The following TPR variants were observed in gnomAD, a reference collection of about 807,000 sequenced individuals.
TPR encodes the protein nucleoprotein TPR.
In TPR, 51 loss-of-function variants were observed where a neutral mutation model predicts 316.1. That is an observed-to-expected ratio of 0.16 (90% CI 0.13 to 0.20). The LOEUF is 0.20. TPR is among the 10% of genes least tolerant of loss of function. The probability of loss-of-function intolerance (pLI) is 1.00; values close to 1 mark genes in which losing one functional copy is unlikely to be tolerated. For missense variants in TPR, 2,272 were observed against 2,754.8 expected, an observed-to-expected ratio of 0.82 and a Z score of 3.92; for synonymous variants, 981 against 914.7, an observed-to-expected ratio of 1.07 and a Z score of -1.31.
At chr1:186,370,941 A>G (rs1429601573) in intron 3 of TPR, 29 bp downstream of exon 3, 3 of 1,574,250 alleles carry the variant, frequency 1.9e-6, no homozygotes, top group East Asian at 2.2e-5. Flanking sequence ...AATGTCTACA[A>G]TGAGCTTATT....
In TPR at chr1:186,344,556, T is replaced by C; in HGVS notation, c.3236A>G (p.Gln1079Arg). 6.3e-7 allele frequency: 1 copy of C among 1,577,180 alleles called. No individual in the cohort carries two copies. The highest frequency in any genetic ancestry group is 8.6e-7 in the Non-Finnish European group (1 of 1,162,950). Residue 1079 changes from glutamine (Q) to arginine (R), a missense_variant, in exon 25 of 51, where the codon CAG (glutamine) becomes CGG (arginine). Around this residue, in one of 10 missense-constraint regions of TPR, gnomAD observed 757 missense variants for 859.8 expected, o/e 0.88. Transcript: ENST00000367478. ...CATCAATTCTCTCTCATACTTATTC[T>C]GAGCTTCCACAGCTATTTTAGCCTA... ...QEQAKIAVEA[Q>R]NKYERELMLH...
At position 186,344,465 on chromosome 1, in the gene TPR, G is replaced by C. The variant is rs921274185; in HGVS notation, c.3327C>G (p.Val1109=). ...GTGTTGTTTCTTCCAAATGCTGACGGACTGATGCCATTTTTGAAACCTGCT... is the reference window on the plus strand; with the variant it reads ...GTGTTGTTTCTTCCAAATGCTGACGCACTGATGCCATTTTTGAAACCTGCT... ...AKEQVSKMAS[V]RQHLEETTQK... The change falls in exon 25 of 51, where the codon GTC becomes GTG. Residue 1109 remains valine, a synonymous_variant. Coordinates refer to ENST00000367478, the MANE Select transcript of TPR (RefSeq NM_003292.3). 1 of 1,613,966 alleles carries C rather than the reference G, an allele frequency of 6.2e-7. No homozygotes were observed. Among genetic ancestry groups the C allele is most frequent in the African/African-American group, 1.3e-5 (1 of 75,040 alleles).
Position 186,333,141 on chromosome 1 carries a change from G to A in TPR, c.5436C>T (p.Ser1812=). 1 of 1,613,378 alleles carries A rather than the reference G, an allele frequency of 6.2e-7. No individual in the cohort carries two copies. The highest frequency in any genetic ancestry group is 8.5e-7 in the Non-Finnish European group (1 of 1,179,562). Residue 1812 remains serine, a synonymous_variant, in exon 37 of 51, where the codon TCC becomes TCT. Coordinates refer to ENST00000367478, the MANE Select transcript of TPR (RefSeq NM_003292.3). ...QSSPVERPST[S]TAVFGTVSAT... ...TTTTACCTGTGCCAAATACTGCTGT[G>A]GAAGTAGAAGGCCGCTCAACTGGTG...
At chr1:186,355,841 C>A in intron 15 of TPR, 73 bp from the exon 16 acceptor site, 1 of 1,514,680 alleles carries the variant, frequency 6.6e-7, no homozygotes. Flanking sequence ...TGCTTCTTTG[C>A]AAATACACTA....
In TPR at chr1:186,341,236, T is replaced by C. The variant is rs370546673; in HGVS notation, c.3888+16A>G. On this transcript the variant is annotated intron_variant, in intron 28 of 50. Coordinates refer to ENST00000367478, the MANE Select transcript of TPR (RefSeq NM_003292.3). ...AAAAACAACATGCTTCCACTCTTGA[T>C]AACTAAGCAACAAACCTTTGCTTGC... is the stretch of plus-strand genomic sequence containing the variant. 102 of 1,613,398 alleles carry C rather than the reference T, an allele frequency of 6.3e-5. No individual in the cohort carries two copies. The highest frequency in any genetic ancestry group is 8.4e-5 in the Non-Finnish European group (99 of 1,179,900).
At chr1:186,362,264 A>G (rs1342179060) in intron 7 of TPR, 24 bp downstream of exon 7, 9 of 1,572,620 alleles carry the variant, frequency 5.7e-6, no homozygotes, top group African/African-American at 1.4e-5. Context: ...TTTGTAAAAA[A>G]GACATTTTAA....
chr1:186,336,683 T>C lies in TPR; in HGVS notation c.4518A>G (p.Glu1506=). 1 of 1,613,150 alleles carries C rather than the reference T, an allele frequency of 6.2e-7. No individual in the cohort carries two copies. The highest frequency in any genetic ancestry group is 8.5e-7 in the Non-Finnish European group (1 of 1,179,662). The change falls in exon 33 of 51, where the codon GAA becomes GAG. Residue 1506 remains glutamate (E), a synonymous_variant. Transcript: ENST00000367478. Reference sequence around the variant, plus strand: ...GGAGATTTCTTGCTTCTGTCTCTTTTTCAGATAATGTCTTTAAAGGAAAAC... The same window carrying C: ...GGAGATTTCTTGCTTCTGTCTCTTTCTCAGATAATGTCTTTAAAGGAAAAC... ...QVENLQKTLS[E]KETEARNLQE...
chr1:186,361,471 GA>G, intron 9 of TPR, 150 bp downstream of exon 9: 1 of 642,860 alleles, frequency 1.6e-6, no homozygotes, highest in Non-Finnish European at 2.5e-6. Flanking sequence ...ATATAATTCT[GA>G]ATTTCCTAAT....
intron 22 of TPR, among the ~76,000 whole-genome samples, chr1:186,346,741 G>GA (rs1340170228): frequency 2.6e-5 from 4 of 151,538 alleles, no homozygotes; most frequent in African/African-American, 4.8e-5. Context: ...CCAGAAAAAA[G>GA]AAAAAAAATC....
chr1:186,347,559 A>G (rs1006439952), intron 21 of TPR, 101 bp from the exon 22 acceptor site: 7 of 1,223,390 alleles, frequency 5.7e-6, no homozygotes, highest in Non-Finnish European at 7.8e-6. Context: ...TCAAATACAG[A>G]TATATTTAGA....
chr1:186,322,772 T>C (rs1185000215), intron 43 of TPR, 186 bp from the exon 44 acceptor site: 3 of 585,072 alleles, frequency 5.1e-6, no homozygotes, highest in South Asian at 4.1e-5. Context: ...TTAATTATAG[T>C]CTATAATATT....
At chr1:186,339,009 A>G (rs1658421950) in intron 30 of TPR, among the ~76,000 whole-genome samples, 1 of 152,220 alleles carries the variant, frequency 6.6e-6, no homozygotes, top group Non-Finnish European at 1.5e-5. Flanking sequence ...AAATGGGACC[A>G]TGATATGGAC....
At position 186,333,197 on chromosome 1, in the gene TPR, A is replaced by G. The variant is rs1375211740; in HGVS notation, c.5380T>C (p.Ser1794Pro). The stretch of plus-strand genomic sequence containing the variant: ...TGAACAACCTCTACTATGTTTGAAG[A>G]TAACTCTTGATTGGCAGGCTCAATC... The part of the protein sequence containing the change: ...PQIEPANQEL[S>P]SNIVEVVQSS... The change falls in exon 37 of 51, where the codon TCT becomes CCT. Residue 1794 changes from serine to proline, a missense_variant. By Grantham distance (74) the Ser-to-Pro change is moderately conservative (BLOSUM62 -1). Around this residue, in one of 10 missense-constraint regions of TPR, gnomAD observed 435 missense variants for 461.1 expected, o/e 0.94. Transcript: ENST00000367478. 6.2e-7 allele frequency: 1 copy of G among 1,613,650 alleles called. No individual in the cohort carries two copies. Among genetic ancestry groups the G allele is most frequent in the Non-Finnish European group, 8.5e-7 (1 of 1,179,694 alleles).
At chr1:186,357,155 C>T (rs1379929369) in intron 14 of TPR, among the ~76,000 whole-genome samples, 1 of 152,070 alleles carries the variant, frequency 6.6e-6, no homozygotes, top group Non-Finnish European at 1.5e-5. Flanking sequence ...AGTGATCCTC[C>T]CACCTCAGCC....
rs1658937449 is a variant in TPR at position 186,353,581 on chromosome 1, A to G, written c.2334+107T>C. The G allele has an allele frequency of 2.3e-6, 3 of 1,307,042 alleles. No individual in the cohort carries two copies. The East Asian group carries it at 7.0e-5, about 30-fold the overall frequency. The allele number at this position is 1,307,042 out of a possible 1,614,324, so 81.0% of individuals were successfully genotyped here. ...ATTAATTACTTGGTGTAACCTCCAA[A>G]CTTCTTAAATACCTAAGTCCTATCA... On this transcript the variant is annotated intron_variant, in intron 18 of 50. Coordinates refer to ENST00000367478, the MANE Select transcript of TPR (RefSeq NM_003292.3).
At chr1:186,350,811 G>A (rs1450387564) in intron 20 of TPR, among the ~76,000 whole-genome samples, 1 of 152,174 alleles carries the variant, frequency 6.6e-6, no homozygotes, top group African/African-American at 2.4e-5. Context: ...ATTCATCAGA[G>A]TAGCGATCGC....
chr1:186,334,302 C>A (rs1658274523), intron 36 of TPR, 23 bp downstream of exon 36: 1 of 1,585,090 alleles, frequency 6.3e-7, no homozygotes, highest in South Asian at 1.1e-5. Context: ...GCAGTCTCAT[C>A]AGATCTGTAT....
In TPR at chr1:186,361,846, C is replaced by A; in HGVS notation, c.813G>T (p.Met271Ile). ...TTAATTCATTGTGGAATTTCTCTTC[C>A]ATACTGGCCTGTTGTTCCTTGGCCT... The part of the protein sequence containing the change: ...LKEAKEQQAS[M>I]EEKFHNELNA... Residue 271 changes from methionine to isoleucine, a missense_variant, in exon 8 of 51, where the codon ATG becomes ATT. Transcript: ENST00000367478. 5 of 1,612,784 alleles carry A rather than the reference C, an allele frequency of 3.1e-6. No individual in the cohort carries two copies. Among genetic ancestry groups the A allele is most frequent in the Non-Finnish European group, 4.2e-6 (5 of 1,179,174 alleles).
intron 22 of TPR, among the ~76,000 whole-genome samples, chr1:186,346,589 G>A (rs1013168600): frequency 6.6e-6 from 1 of 151,760 alleles, no homozygotes; most frequent in Admixed American, 6.6e-5. Flanking sequence ...TTCTACAATC[G>A]AAAGGTATTT....
Sources: allele counts gnomAD v4.1 joint callset (sites outside exome capture counted in the v4.1 genomes callset), GRCh38; gene constraint gnomAD v4.1.1; regional missense constraint gnomAD v4.1.1; transcripts MANE v1.5; gene names NCBI Gene and HGNC (gene_info 2026-07-23, HGNC 2026-07-21).